Variants in RORA observed in about 807,000 individuals in gnomAD.
The protein encoded by RORA is RAR related orphan receptor A.
A neutral mutation model predicts 69.5 loss-of-function variants in RORA; 7 were observed. That is an observed-to-expected ratio of 0.10 (90% CI 0.06 to 0.19). RORA has a LOEUF of 0.19. Among genes scored for constraint, RORA ranks in the 10% least tolerant of loss-of-function variants. The probability of loss-of-function intolerance (pLI) is 1.00; values close to 1 mark genes in which losing one functional copy is unlikely to be tolerated. For missense variants in RORA, 457 were observed against 663.0 expected (o/e 0.69, Z 3.41); for synonymous variants, 261 against 240.8 (o/e 1.08, Z -0.78).
At position 61,010,039 on chromosome 15, in the gene RORA, T is replaced by C. The variant is rs971756205; in HGVS notation, c.166+219014A>G. 7.9e-5 allele frequency among the ~76,000 whole-genome samples: 12 copies of C among 152,334 alleles called. No individual in the cohort carries two copies. In the South Asian group the frequency reaches 2.3e-3, roughly 29 times the overall value. ...ACTGTACTGCTTCATTTTTAACATA[T>C]GTTTAACTGCTATTTTTTATTAAAC... is the stretch of plus-strand genomic sequence containing the variant. On this transcript the variant is annotated intron_variant, in intron 1 of 10. Coordinates refer to ENST00000335670, the MANE Select transcript of RORA (RefSeq NM_134261.3).
At chr15:61,097,458 C>A (rs1272976516) in intron 1 of RORA, among the ~76,000 whole-genome samples, 1 of 152,068 alleles carries the variant, frequency 6.6e-6, no homozygotes, top group African/African-American at 2.4e-5. Flanking sequence ...ACAGTAGCCA[C>A]CCTGTTCTCC....
At chr15:60,588,399 A>C (rs1596019938) in intron 2 of RORA, among the ~76,000 whole-genome samples, 1 of 152,146 alleles carries the variant, frequency 6.6e-6, no homozygotes. Flanking sequence ...ATAATAATTT[A>C]AGAGATTTTT....
intron 1 of RORA, among the ~76,000 whole-genome samples, chr15:60,910,682 T>C (rs533069365): frequency 1.3e-5 from 2 of 152,162 alleles, no homozygotes; most frequent in Non-Finnish European, 2.9e-5. Context: ...CAAACCCAGA[T>C]TGGCTAGTTC....
At chr15:60,947,329 C>A in intron 1 of RORA, among the ~76,000 whole-genome samples, 1 of 152,162 alleles carries the variant, frequency 6.6e-6, no homozygotes, top group Non-Finnish European at 1.5e-5. Flanking sequence ...ATAGGAGACT[C>A]CATTTTGTTC....
chr15:60,853,747 T>C lies in RORA; in HGVS notation c.167-175061A>G, dbSNP rs572358038. Among the ~76,000 whole-genome samples, 6 of 152,276 alleles carry C rather than the reference T, an allele frequency of 3.9e-5. No homozygotes were observed. The South Asian group carries it at 1.2e-3, about 32-fold the overall frequency. On this transcript the variant is annotated intron_variant, in intron 1 of 10. Coordinates refer to ENST00000335670, the MANE Select transcript of RORA (RefSeq NM_134261.3). The stretch of plus-strand genomic sequence containing the variant: ...TTGTTGAATTTCAGGAGAATTTAAA[T>C]ATAGGAAGAACTGGAAGAACACTGG...
intron 2 of RORA, among the ~76,000 whole-genome samples, chr15:60,567,155 A>G (rs1294595539): frequency 6.6e-6 from 1 of 151,852 alleles, no homozygotes; most frequent in African/African-American, 2.4e-5. Context: ...ATAACCAGGG[A>G]ATTTCACATT....
chr15:60,997,963 T>A (rs1212960654), intron 1 of RORA, among the ~76,000 whole-genome samples: 2 of 152,076 alleles, frequency 1.3e-5, no homozygotes, highest in Non-Finnish European at 2.9e-5. Flanking sequence ...ATGGAGAGAG[T>A]GAGCCACAAT....
rs1271157679 is a variant in RORA at position 60,953,934 on chromosome 15, A to G, written c.166+275119T>C. ...AAATACCATTTGACCCAGCCATCCC[A>G]TTACTGGGTATATACCCAGAGGACT... On this transcript the variant is annotated intron_variant, in intron 1 of 10. Transcript: ENST00000335670. Among the ~76,000 whole-genome samples the G allele has an allele frequency of 1.8e-3, 276 of 151,670 alleles. 1 individual carries two copies. Among genetic ancestry groups the G allele is most frequent in the African/African-American group, 6.5e-3 (268 of 41,328 alleles).
chr15:60,974,397 A>G (rs1158476743), intron 1 of RORA, among the ~76,000 whole-genome samples: 3 of 152,100 alleles, frequency 2.0e-5, no homozygotes, highest in Non-Finnish European at 2.9e-5. Flanking sequence ...CTCCTTGTCT[A>G]TACATTGGGA....
At chr15:60,684,996 T>G (rs17303097) in intron 1 of RORA, among the ~76,000 whole-genome samples, 35,700 of 152,170 alleles carry the variant, frequency 0.23, 4,747 homozygotes, top group Admixed American at 0.41. Context: ...ACTAGGTTTA[T>G]AGTAAAATGT....
intron 1 of RORA, among the ~76,000 whole-genome samples, chr15:60,949,656 T>C (rs1370987968): frequency 6.6e-6 from 1 of 152,210 alleles, no homozygotes; most frequent in African/African-American, 2.4e-5. Context: ...TATTGTCAAC[T>C]GGTGTCTTGC....
At chr15:60,912,498 C>A (rs1056139053) in intron 1 of RORA, among the ~76,000 whole-genome samples, 1 of 151,822 alleles carries the variant, frequency 6.6e-6, no homozygotes, top group Non-Finnish European at 1.5e-5. Flanking sequence ...CTCACACCTG[C>A]AATCCCAGCA....
intron 1 of RORA, among the ~76,000 whole-genome samples, chr15:61,083,204 C>T (rs1339712727): frequency 6.6e-6 from 1 of 152,156 alleles, no homozygotes; most frequent in Non-Finnish European, 1.5e-5. Context: ...GTTCCGTTGT[C>T]CCGAGGCTGA....
chr15:60,745,294 C>T lies in RORA; in HGVS notation c.167-66608G>A, dbSNP rs532853570. Among the ~76,000 whole-genome samples the T allele has an allele frequency of 1.9e-3, 291 of 152,340 alleles. 1 individual carries two copies. The highest frequency in any genetic ancestry group is 6.6e-3 in the African/African-American group (276 of 41,576). ...GCAACGGCTAGGCTGAAGCCAAGAG[C>T]CCACCTTCTGTGAAGTCCTCTCCCC... On this transcript the variant is annotated intron_variant, in intron 1 of 10. Transcript: ENST00000335670.
chr15:61,208,037 C>A (rs753017680), intron 1 of RORA, among the ~76,000 whole-genome samples: 1 of 152,196 alleles, frequency 6.6e-6, no homozygotes, highest in African/African-American at 2.4e-5. Flanking sequence ...GCCTCTTCTG[C>A]AAGGGAAGGC....
At chr15:60,608,738 T>A (rs2069011362) in intron 2 of RORA, among the ~76,000 whole-genome samples, 1 of 152,222 alleles carries the variant, frequency 6.6e-6, no homozygotes, top group African/African-American at 2.4e-5. Flanking sequence ...TCATACACTT[T>A]TTATATTATC....
chr15:61,124,280 G>A (rs1020365807), intron 1 of RORA, among the ~76,000 whole-genome samples: 3 of 152,226 alleles, frequency 2.0e-5, no homozygotes, highest in African/African-American at 7.2e-5. Context: ...AGTGGGTACA[G>A]CTTATAATAA....
At chr15:60,883,130 C>CA (rs60074751) in intron 1 of RORA, among the ~76,000 whole-genome samples, 768 of 43,120 alleles carry the variant, frequency 0.018, 147 homozygotes, top group African/African-American at 0.085. Context: ...GACATCGTCT[C>CA]AAAAAAAAAA....
intron 1 of RORA, among the ~76,000 whole-genome samples, chr15:60,887,104 GTTTC>G: frequency 6.6e-6 from 1 of 151,904 alleles, no homozygotes; most frequent in East Asian, 1.9e-4. Context: ...AAGAAAGCTG[GTTTC>G]TTTGTCAGCA....
Sources: allele counts gnomAD v4.1 joint callset (sites outside exome capture counted in the v4.1 genomes callset), GRCh38; gene constraint gnomAD v4.1.1; transcripts MANE v1.5; gene names NCBI Gene and HGNC (gene_info 2026-07-23, HGNC 2026-07-21).